Variants in CNTN3 observed in about 807,000 individuals in gnomAD.
CNTN3 encodes contactin-3.
In CNTN3, 60 loss-of-function variants were observed where a neutral mutation model predicts 119.1. The observed-to-expected ratio is 0.50, with a 90% CI of 0.41 to 0.62. The LOEUF is 0.62. Ranked by LOEUF, CNTN3 falls within the 20% of genes least tolerant of loss-of-function variation. CNTN3 has a pLI of 0.00. For missense variants in CNTN3, 1,101 were observed against 1,242.4 expected, an observed-to-expected ratio of 0.89 and a Z score of 1.71; for synonymous variants, 450 against 438.7, an observed-to-expected ratio of 1.03 and a Z score of -0.32.
chr3:74,276,229 A>C (rs945169317), intron 20 of CNTN3, among the ~76,000 whole-genome samples: 1 of 152,202 alleles, frequency 6.6e-6, no homozygotes, highest in African/African-American at 2.4e-5. Context: ...CTAGACAGTC[A>C]TCAAGACATA....
chr3:74,487,136 C>A (rs1195762955), intron 3 of CNTN3, among the ~76,000 whole-genome samples: 2 of 152,098 alleles, frequency 1.3e-5, no homozygotes, highest in Admixed American at 1.3e-4. Context: ...CTTTTTTAAG[C>A]CATTACAGTG....
rs72883654 is a variant in CNTN3, at chr3:74,503,720, T to G, written c.56-3935A>C. Among the ~76,000 whole-genome samples the G allele has an allele frequency of 6.1e-4, 93 of 152,280 alleles. 1 individual carries two copies. The highest frequency in any genetic ancestry group is 2.2e-3 in the African/African-American group (90 of 41,568). On this transcript the variant is annotated intron_variant, in intron 2 of 22. Coordinates refer to ENST00000263665, the MANE Select transcript of CNTN3 (RefSeq NM_020872.3). Reference sequence around the variant, plus strand: ...TGAAAACAGAAGGGGGCCTTTTGCCTAACTAATGGATTCAACGTAACATTC... The same window carrying G: ...TGAAAACAGAAGGGGGCCTTTTGCCGAACTAATGGATTCAACGTAACATTC...
At chr3:74,450,633 G>C (rs1318605630) in intron 4 of CNTN3, among the ~76,000 whole-genome samples, 1 of 149,782 alleles carries the variant, frequency 6.7e-6, no homozygotes, top group Non-Finnish European at 1.5e-5. Context: ...TCTAGCATTA[G>C]GTATATCTCC....
intron 13 of CNTN3, among the ~76,000 whole-genome samples, chr3:74,317,810 T>C (rs1020822819): frequency 3.3e-5 from 5 of 152,180 alleles, no homozygotes; most frequent in Non-Finnish European, 7.3e-5. Flanking sequence ...CTGACAATTA[T>C]GTGTCTTGGA....
chr3:74,399,448 T>A (rs566082409), intron 5 of CNTN3, among the ~76,000 whole-genome samples: 3 of 152,274 alleles, frequency 2.0e-5, no homozygotes, highest in Admixed American at 1.3e-4. Context: ...TCCAGCTGCA[T>A]CCATGTCCCT....
chr3:74,460,755 G>A (rs9873231), intron 4 of CNTN3, among the ~76,000 whole-genome samples: 1 of 106,780 alleles, frequency 9.4e-6, no homozygotes, highest in Non-Finnish European at 1.9e-5. Context: ...AGTAGAGATA[G>A]TTTTATTTCT....
At chr3:74,270,227 T>C (rs536526008) in intron 20 of CNTN3, among the ~76,000 whole-genome samples, 1 of 152,254 alleles carries the variant, frequency 6.6e-6, no homozygotes, top group Admixed American at 6.5e-5. Flanking sequence ...TGGCATCCCA[T>C]AGATATGGGA....
intron 1 of CNTN3, among the ~76,000 whole-genome samples, chr3:74,589,685 T>G (rs1359974939): frequency 6.7e-6 from 1 of 149,086 alleles, no homozygotes; most frequent in African/African-American, 2.5e-5. Flanking sequence ...CTATTCACAA[T>G]AGCAAAGACT....
chr3:74,318,120 T>G (rs747327244), intron 13 of CNTN3, among the ~76,000 whole-genome samples: 17 of 152,234 alleles, frequency 1.1e-4, no homozygotes, highest in African/African-American at 2.4e-4. Flanking sequence ...TTTCTTCCAG[T>G]TGATCGCATC....
At chr3:74,560,475 T>C (rs966047213) in intron 1 of CNTN3, among the ~76,000 whole-genome samples, 3 of 152,186 alleles carry the variant, frequency 2.0e-5, no homozygotes, top group Non-Finnish European at 4.4e-5. Flanking sequence ...GATACATATA[T>C]ACAAACATAT....
rs1704200493 is a variant in CNTN3 at position 74,564,612 on chromosome 3, G to A, written c.-80-43420C>T. On this transcript the variant is annotated intron_variant, in intron 1 of 22. Transcript: ENST00000263665. ...AGGTCCTGTACGGGTACTGGAAATA[G>A]AATAGAGAGCAAAAAGAATATAAAA... 2.0e-5 allele frequency among the ~76,000 whole-genome samples: 3 copies of A among 151,170 alleles called. No individual in the cohort carries two copies. The Admixed American group carries it at 2.0e-4, about 10-fold the overall frequency.
intron 20 of CNTN3, among the ~76,000 whole-genome samples, chr3:74,272,122 GGAA>G (rs1215059597): frequency 2.6e-5 from 4 of 152,124 alleles, no homozygotes; most frequent in Non-Finnish European, 4.4e-5. Context: ...GGGCCACAGT[GGAA>G]GAAGAAGAAT....
At chr3:74,458,086 T>C (rs945817940) in intron 4 of CNTN3, among the ~76,000 whole-genome samples, 3 of 152,004 alleles carry the variant, frequency 2.0e-5, no homozygotes, top group South Asian at 4.1e-4. Flanking sequence ...AGACAAACTG[T>C]CACCCTCAGT....
intron 13 of CNTN3, among the ~76,000 whole-genome samples, chr3:74,330,845 GA>G (rs199694278): frequency 3.3e-4 from 48 of 145,064 alleles, no homozygotes; most frequent in Admixed American, 1.4e-4. Context: ...TGTTCAAAAT[GA>G]AAAAAAAAAT....
intron 8 of CNTN3, among the ~76,000 whole-genome samples, chr3:74,367,379 C>T (rs542167567): frequency 6.6e-6 from 1 of 152,022 alleles, no homozygotes; most frequent in Admixed American, 6.6e-5. Context: ...TAAAATAACA[C>T]CAATTTTTAA....
intron 4 of CNTN3, among the ~76,000 whole-genome samples, chr3:74,484,513 T>C (rs1401088029): frequency 6.6e-6 from 1 of 151,968 alleles, no homozygotes; most frequent in African/African-American, 2.4e-5. Flanking sequence ...AACTAAAATA[T>C]ATAAAAGGAA....
At chr3:74,349,897 C>G (rs778051307) in intron 11 of CNTN3, among the ~76,000 whole-genome samples, 11 of 152,142 alleles carry the variant, frequency 7.2e-5, no homozygotes, top group Non-Finnish European at 1.6e-4. Context: ...AATTATTTAT[C>G]CAGTTCTAAC....
At chr3:74,496,846 G>A (rs1251130851) in intron 3 of CNTN3, among the ~76,000 whole-genome samples, 1 of 151,976 alleles carries the variant, frequency 6.6e-6, no homozygotes, top group Non-Finnish European at 1.5e-5. Flanking sequence ...AATTTCTCTT[G>A]AGAATTTCTG....
At chr3:74,594,462 C>G (rs1420994228) in intron 1 of CNTN3, among the ~76,000 whole-genome samples, 30 of 151,336 alleles carry the variant, frequency 2.0e-4, no homozygotes, top group African/African-American at 7.3e-4. Flanking sequence ...CCCCACAACA[C>G]TCCCCAGAGT....
Sources: gnomAD v4.1 joint callset for allele counts (sites outside exome capture counted in the v4.1 genomes callset) on GRCh38, gnomAD v4.1.1 for gene constraint, MANE v1.5 for transcripts, NCBI Gene and HGNC (gene_info 2026-07-23, HGNC 2026-07-21) for gene names.